SCAPER: variants seen among roughly 807,000 people sequenced by gnomAD.
The protein encoded by SCAPER is S phase cyclin A-associated protein in the endoplasmic reticulum.
Under a neutral mutation model 182.2 loss-of-function variants are expected in SCAPER, and 98 were observed. The observed-to-expected ratio is 0.54, with a 90% CI of 0.46 to 0.64. SCAPER has a LOEUF of 0.64. Among genes scored for constraint, SCAPER ranks in the 30% least tolerant of loss-of-function variants. SCAPER has a pLI of 0.00. For missense variants in SCAPER, 1,432 were observed against 1,690.0 expected (o/e 0.85, Z 2.68); for synonymous variants, 605 against 564.6 (o/e 1.07, Z -1.01).
At chr15:76,534,530 T>C (rs559513742) in intron 23 of SCAPER, among the ~76,000 whole-genome samples, 4 of 152,298 alleles carry the variant, frequency 2.6e-5, no homozygotes, top group South Asian at 4.1e-4. Context: ...AGAGCACAAA[T>C]AGAAATCTGT....
chr15:76,424,519 C>G (rs371639025), intron 26 of SCAPER, among the ~76,000 whole-genome samples: 3 of 152,064 alleles, frequency 2.0e-5, no homozygotes, highest in Non-Finnish European at 2.9e-5. Context: ...TGTCTCTGCA[C>G]GTGAGATGGG....
chr15:76,555,443 T>G (rs1196564847), intron 23 of SCAPER, among the ~76,000 whole-genome samples: 1 of 152,140 alleles, frequency 6.6e-6, no homozygotes, highest in African/African-American at 2.4e-5. Flanking sequence ...AGTGGTAAGT[T>G]GGATAAAGAA....
Position 76,476,843 on chromosome 15 carries a change from AAT to A in SCAPER, c.2955-5510_2955-5509del, listed in dbSNP as rs550177324. On this transcript the variant is annotated intron_variant, in intron 24 of 31. Coordinates refer to ENST00000563290, the MANE Select transcript of SCAPER (RefSeq NM_020843.4). ...AATACTGCATAGTCTTTAAAAGCTAAATAGTTTCTCATCCTGTGGATATAAAA... is the reference window on the plus strand; with the variant it reads ...AATACTGCATAGTCTTTAAAAGCTAAAGTTTCTCATCCTGTGGATATAAAA... Among the ~76,000 whole-genome samples the A allele has an allele frequency of 7.2e-5, 11 of 152,216 alleles. No homozygotes were observed. The East Asian group carries it at 2.1e-3, about 29-fold the overall frequency.
chr15:76,652,331 CATACACATATAT>C (rs2055179898), intron 21 of SCAPER, among the ~76,000 whole-genome samples: 2 of 24,462 alleles, frequency 8.2e-5, no homozygotes, highest in African/African-American at 2.8e-4. Flanking sequence ...CACACACACA[CATACACATATAT>C]ACACACACAC....
intron 25 of SCAPER, among the ~76,000 whole-genome samples, chr15:76,445,966 C>G (rs1337630274): frequency 6.6e-6 from 1 of 152,130 alleles, no homozygotes; most frequent in African/African-American, 2.4e-5. Flanking sequence ...AATATCCACT[C>G]TTACTGCACA....
At chr15:76,767,862 A>G (rs2063204817) in intron 10 of SCAPER, among the ~76,000 whole-genome samples, 1 of 152,094 alleles carries the variant, frequency 6.6e-6, no homozygotes, top group Non-Finnish European at 1.5e-5. Context: ...TGTTTCCTAG[A>G]AGGAAAAAAA....
chr15:76,502,565 C>T (rs914739486), intron 24 of SCAPER, among the ~76,000 whole-genome samples: 1 of 151,452 alleles, frequency 6.6e-6, no homozygotes, highest in Admixed American at 6.6e-5. Context: ...CACACCGGGG[C>T]CTGTCGTGGG....
intron 17 of SCAPER, among the ~76,000 whole-genome samples, chr15:76,711,503 A>G (rs1267982040): frequency 6.6e-6 from 1 of 152,220 alleles, no homozygotes; most frequent in Non-Finnish European, 1.5e-5. Flanking sequence ...AAGAACTTGT[A>G]TATTTAAAAA....
At chr15:76,716,215 T>C (rs939290067) in intron 17 of SCAPER, among the ~76,000 whole-genome samples, 19 of 152,036 alleles carry the variant, frequency 1.2e-4, no homozygotes, top group Admixed American at 9.8e-4. Context: ...TGATCACAAC[T>C]AAGAAGCTGC....
At chr15:76,563,747 A>C (rs1157878585) in intron 23 of SCAPER, among the ~76,000 whole-genome samples, 1 of 152,174 alleles carries the variant, frequency 6.6e-6, no homozygotes, top group East Asian at 1.9e-4. Flanking sequence ...GAAGAACATC[A>C]ATGCAAAATT....
chr15:76,642,435 CAATTT>C (rs1597877796), intron 21 of SCAPER, among the ~76,000 whole-genome samples: 1 of 152,116 alleles, frequency 6.6e-6, no homozygotes, highest in Non-Finnish European at 1.5e-5. Flanking sequence ...TTTTATTCTT[CAATTT>C]AATTTTTGAA....
intron 8 of SCAPER, 21 bp from the exon 9 acceptor site, chr15:76,775,138 A>G: frequency 2.6e-6 from 4 of 1,557,636 alleles, no homozygotes; most frequent in Non-Finnish European, 2.6e-6. Context: ...AAAGTAAAAA[A>G]CAAATCAAGA....
chr15:76,681,350 A>G (rs1475245525), intron 20 of SCAPER, among the ~76,000 whole-genome samples: 1 of 152,230 alleles, frequency 6.6e-6, no homozygotes, highest in Non-Finnish European at 1.5e-5. Context: ...ATCCTCAACT[A>G]AAAGATAAAT....
At chr15:76,551,049 C>T (rs1751481312) in intron 23 of SCAPER, among the ~76,000 whole-genome samples, 1 of 151,726 alleles carries the variant, frequency 6.6e-6, no homozygotes, top group Non-Finnish European at 1.5e-5. Flanking sequence ...ATCAGAAATG[C>T]AAAAAATAAC....
At chr15:76,743,665 A>G (rs867419445) in intron 15 of SCAPER, among the ~76,000 whole-genome samples, 3 of 152,192 alleles carry the variant, frequency 2.0e-5, no homozygotes, top group Admixed American at 6.5e-5. Flanking sequence ...ACAAACAGAA[A>G]AACATCCCAT....
At chr15:76,384,655 T>G (rs2043175372) in intron 27 of SCAPER, among the ~76,000 whole-genome samples, 1 of 152,174 alleles carries the variant, frequency 6.6e-6, no homozygotes, top group Non-Finnish European at 1.5e-5. Context: ...TCAAAATGCA[T>G]AAGATAGTGC....
chr15:76,658,216 T>C (rs1597982046), intron 21 of SCAPER, among the ~76,000 whole-genome samples: 1 of 152,280 alleles, frequency 6.6e-6, no homozygotes, highest in East Asian at 1.9e-4. Flanking sequence ...TTCAGTACCA[T>C]TTCAGGATAT....
intron 21 of SCAPER, among the ~76,000 whole-genome samples, chr15:76,649,260 C>T (rs1344863185): frequency 6.6e-6 from 1 of 152,096 alleles, no homozygotes; most frequent in Non-Finnish European, 1.5e-5. Flanking sequence ...TAGTCAGACT[C>T]AGTCTCTAAA....
chr15:76,700,049 G>A (rs567724163), intron 20 of SCAPER, among the ~76,000 whole-genome samples: 33 of 152,266 alleles, frequency 2.2e-4, no homozygotes, highest in Middle Eastern at 3.4e-3. Flanking sequence ...TAGGAGCTAC[G>A]GTGGCAGCCA....
Sources: gnomAD v4.1 joint callset for allele counts (sites outside exome capture counted in the v4.1 genomes callset) on GRCh38, gnomAD v4.1.1 for gene constraint, MANE v1.5 for transcripts, NCBI Gene and HGNC (gene_info 2026-07-23, HGNC 2026-07-21) for gene names.